The following CGNL1 variants were observed in gnomAD, a reference collection of about 807,000 sequenced individuals.
CGNL1 encodes cingulin-like protein 1.
In CGNL1, 132 loss-of-function variants were observed where a neutral mutation model predicts 141.2. The observed-to-expected ratio is 0.93, with a 90% confidence interval of 0.81 to 1.08. The LOEUF (loss-of-function observed/expected upper bound fraction) is 1.08, where lower values mean the gene tolerates loss of function less well. Among genes scored for constraint, CGNL1 ranks in the 50% least tolerant of loss-of-function variants. CGNL1 has a pLI of 0.00. For missense variants in CGNL1, 1,870 were observed against 1,588.6 expected (o/e 1.18, Z -3.01); for synonymous variants, 690 against 622.1 (o/e 1.11, Z -1.63).
intron 14 of CGNL1, among the ~76,000 whole-genome samples, chr15:57,535,016 A>G (rs1464702458): frequency 1.3e-5 from 2 of 152,194 alleles, no homozygotes; most frequent in Non-Finnish European, 2.9e-5. Flanking sequence ...TTCCAGCAAT[A>G]TTAGTGAATG....
At position 57,484,528 on chromosome 15, in the gene CGNL1, T is replaced by A. The variant is rs146503421; in HGVS notation, c.2403+22636T>A. On this transcript the variant is annotated intron_variant, in intron 8 of 18. Transcript: ENST00000281282. The stretch of plus-strand genomic sequence containing the variant: ...ATCTTACTGATTTTTTTTGTTAACA[T>A]TTGATTAGTGGTTTTTAGATTTTTT... Among the ~76,000 whole-genome samples the A allele has an allele frequency of 9.0e-4, 137 of 152,304 alleles. 1 individual carries two copies. The highest frequency in any genetic ancestry group is 3.2e-3 in the African/African-American group (131 of 41,566).
intron 8 of CGNL1, among the ~76,000 whole-genome samples, chr15:57,499,107 C>T (rs1208665881): frequency 1.3e-5 from 2 of 151,978 alleles, no homozygotes; most frequent in Non-Finnish European, 2.9e-5. Context: ...TGTGGGTAGA[C>T]CAGCTTGGAG....
At chr15:57,504,415 G>A (rs2064071597) in intron 8 of CGNL1, among the ~76,000 whole-genome samples, 1 of 152,190 alleles carries the variant, frequency 6.6e-6, no homozygotes, top group African/African-American at 2.4e-5. Flanking sequence ...CTTGTCCTTG[G>A]GAATGAAGCT....
At chr15:57,480,815 C>G (rs1179411395) in intron 8 of CGNL1, among the ~76,000 whole-genome samples, 1 of 152,206 alleles carries the variant, frequency 6.6e-6, no homozygotes. Context: ...AGTGATCAGT[C>G]TGTGAACTTG....
chr15:57,543,791 C>T lies in CGNL1; in HGVS notation c.3375+12C>T. On this transcript the variant is annotated intron_variant, in intron 15 of 18. Coordinates refer to ENST00000281282, the MANE Select transcript of CGNL1 (RefSeq NM_032866.5). ...CCCTGGAGAGGCAGGTGAGGGCAGC[C>T]AGCCTGTGAGCTGCCCCCCCGTCCA... 6.2e-7 allele frequency: 1 copy of T among 1,605,418 alleles called. No individual in the cohort carries two copies.
At chr15:57,409,212 G>A (rs1324438116) in intron 1 of CGNL1, among the ~76,000 whole-genome samples, 1 of 152,196 alleles carries the variant, frequency 6.6e-6, no homozygotes, top group East Asian at 1.9e-4. Context: ...GGTAAGGCCT[G>A]GGGAAAGCAG....
chr15:57,517,801 C>A (rs1485421344), intron 9 of CGNL1, among the ~76,000 whole-genome samples: 4 of 152,118 alleles, frequency 2.6e-5, no homozygotes, highest in Non-Finnish European at 5.9e-5. Flanking sequence ...GCCTCATCAC[C>A]CCCTAAAGGT....
chr15:57,496,178 A>G (rs1356704887), intron 8 of CGNL1, among the ~76,000 whole-genome samples: 2 of 152,178 alleles, frequency 1.3e-5, no homozygotes, highest in Non-Finnish European at 2.9e-5. Context: ...AAAACCCTCC[A>G]AACAGCCTTA....
intron 4 of CGNL1, among the ~76,000 whole-genome samples, chr15:57,444,811 T>C (rs555409825): frequency 5.9e-5 from 9 of 152,174 alleles, no homozygotes; most frequent in Admixed American, 5.9e-4. Context: ...ACATTGGAAG[T>C]TGGAAGTTAT....
At chr15:57,389,079 C>A (rs1019496266) in intron 1 of CGNL1, among the ~76,000 whole-genome samples, 1 of 151,784 alleles carries the variant, frequency 6.6e-6, no homozygotes, top group Non-Finnish European at 1.5e-5. Flanking sequence ...TGTCAACTAC[C>A]CTTTAAAATA....
At chr15:57,389,174 C>A (rs1417617334) in intron 1 of CGNL1, among the ~76,000 whole-genome samples, 1 of 152,060 alleles carries the variant, frequency 6.6e-6, no homozygotes, top group East Asian at 1.9e-4. Context: ...AGTTAAAAAT[C>A]ATGTGCCTGG....
At position 57,548,450 on chromosome 15, in the gene CGNL1, C is replaced by T. The variant is rs1261678399; in HGVS notation, c.*960C>T. ...AAAGAAGAATTGTAGTGGTCATGGA[C>T]AGCTAAGACTGAGCATAGCAGTTCA... On this transcript the variant is annotated 3_prime_UTR_variant, in exon 19 of 19. Transcript: ENST00000281282. The T allele has an allele frequency of 6.6e-6, 1 of 152,260 alleles. No individual in the cohort carries two copies. Among genetic ancestry groups the T allele is most frequent in the Non-Finnish European group, 1.5e-5 (1 of 68,062 alleles). 9.4% of individuals were successfully genotyped at this position (152,260 alleles called of 1,614,324 possible).
chr15:57,536,812 T>A (rs1006885841), intron 14 of CGNL1, among the ~76,000 whole-genome samples: 16 of 152,208 alleles, frequency 1.1e-4, no homozygotes, highest in Non-Finnish European at 2.1e-4. Flanking sequence ...TCACACAGTT[T>A]GTAGGAGGTG....
intron 1 of CGNL1, among the ~76,000 whole-genome samples, chr15:57,391,839 C>A (rs2152232126): frequency 1.3e-5 from 2 of 152,192 alleles, no homozygotes; most frequent in South Asian, 4.2e-4. Flanking sequence ...CCCATCGTAT[C>A]CTTATTCCAT....
At chr15:57,519,179 G>A (rs778381312) in intron 10 of CGNL1, among the ~76,000 whole-genome samples, 23 of 152,138 alleles carry the variant, frequency 1.5e-4, no homozygotes, top group Non-Finnish European at 2.8e-4. Flanking sequence ...AGTGACCTCC[G>A]GGTGATGCAG....
chr15:57,389,976 C>G (rs575676985), intron 1 of CGNL1, among the ~76,000 whole-genome samples: 6 of 152,120 alleles, frequency 3.9e-5, no homozygotes, highest in Admixed American at 2.0e-4. Flanking sequence ...CCACCACACC[C>G]AGCTAATTGT....
intron 8 of CGNL1, among the ~76,000 whole-genome samples, chr15:57,494,435 C>T (rs1305909388): frequency 1.8e-4 from 27 of 152,156 alleles, no homozygotes; most frequent in Non-Finnish European, 1.5e-5. Context: ...CACCCTTTTT[C>T]TTTGTTCCTT....
chr15:57,441,862 G>C (rs1258839214), intron 3 of CGNL1, among the ~76,000 whole-genome samples: 1 of 152,046 alleles, frequency 6.6e-6, no homozygotes, highest in Non-Finnish European at 1.5e-5. Context: ...CAGACAAAGG[G>C]CTGCCATGCT....
intron 1 of CGNL1, among the ~76,000 whole-genome samples, chr15:57,412,872 T>C (rs1567101226): frequency 6.6e-6 from 1 of 152,172 alleles, no homozygotes; most frequent in Non-Finnish European, 1.5e-5. Flanking sequence ...TTCTTTTTTT[T>C]TCTTTTTGAG....
Sources: allele counts gnomAD v4.1 joint callset (sites outside exome capture counted in the v4.1 genomes callset), GRCh38; gene constraint gnomAD v4.1.1; transcripts MANE v1.5; gene names NCBI Gene and HGNC (gene_info 2026-07-23, HGNC 2026-07-21).